Variants in A2ML1 observed in about 807,000 individuals in gnomAD.
A2ML1 encodes alpha-2-macroglobulin-like protein 1.
A neutral mutation model predicts 181.9 loss-of-function variants in A2ML1; 161 were observed. The observed-to-expected ratio is 0.89, with a 90% CI of 0.78 to 1.01. The LOEUF is 1.01. Ranked by LOEUF, A2ML1 falls within the 50% of genes least tolerant of loss-of-function variation. A2ML1 has a pLI of 0.00. For synonymous variants in A2ML1, 663 were observed against 666.8 expected (o/e 0.99, Z 0.09); for missense variants, 1,670 against 1,768.1 (o/e 0.94, Z 1.00).
chr12:8,854,351 C>T, intron 21 of A2ML1, 102 bp downstream of exon 21: 1 of 1,467,466 alleles, frequency 6.8e-7, no homozygotes, highest in Non-Finnish European at 9.1e-7. Context: ...TCCAGTCCAA[C>T]CAGGCAGCTT....
rs570850858 is a variant in A2ML1, at chr12:8,842,384, A to G, written c.1249-750A>G. Among the ~76,000 whole-genome samples the G allele has an allele frequency of 2.2e-5, 3 of 137,592 alleles. No individual in the cohort carries two copies. The South Asian group carries it at 7.4e-4, about 34-fold the overall frequency. 90.3% of individuals were successfully genotyped at this position (137,592 alleles called of 152,430 possible). A position where few individuals can be genotyped will look rare whatever the true frequency, so the allele number is the denominator to read the frequency against. Reference sequence around the variant, plus strand: ...CAGGCGCCTGCCACCACGCCCGGCTAATTTTTTGTATTTTTTAGTAGAGAT... The same window carrying G: ...CAGGCGCCTGCCACCACGCCCGGCTGATTTTTTGTATTTTTTAGTAGAGAT... On this transcript the variant is annotated intron_variant, in intron 11 of 35. Coordinates refer to ENST00000299698, the MANE Select transcript of A2ML1 (RefSeq NM_144670.6).
At chr12:8,822,824 T>A (rs1942787256) in intron 1 of A2ML1, 111 bp downstream of exon 1, 1 of 1,001,040 alleles carries the variant, frequency 1.0e-6, no homozygotes, top group Non-Finnish European at 1.5e-6. Context: ...CTTAATTTCC[T>A]CCTCCTTTTT....
rs139993325 is a variant in A2ML1, at chr12:8,843,065, G to A, written c.1249-69G>A. 266 of 1,410,556 alleles carry A rather than the reference G, an allele frequency of 1.9e-4. 2 individuals are homozygous for A. In the East Asian group the frequency reaches 2.8e-3, roughly 15 times the overall value. The allele number at this position is 1,410,556 out of a possible 1,614,324, so 87.4% of individuals were successfully genotyped here. A position where few individuals can be genotyped will look rare whatever the true frequency, so the allele number is the denominator to read the frequency against. On this transcript the variant is annotated intron_variant, in intron 11 of 35. Transcript: ENST00000299698. ...AGAGAAAGAGCTCTATTTGAAAACC[G>A]TAACAAGTCCGTGGGGTTTCCATGG...
intron 3 of A2ML1, among the ~76,000 whole-genome samples, chr12:8,824,844 GTCTT>G (rs1942876611): frequency 1.3e-5 from 2 of 152,114 alleles, no homozygotes; most frequent in African/African-American, 4.8e-5. Flanking sequence ...TGGAAAGTTT[GTCTT>G]TCTGTGTCTG....
intron 33 of A2ML1, among the ~76,000 whole-genome samples, chr12:8,870,441 G>A (rs1301350589): frequency 1.3e-5 from 2 of 152,016 alleles, no homozygotes; most frequent in Non-Finnish European, 2.9e-5. Context: ...CTAATTTTTT[G>A]TATTTTTACT....
rs1323635885 is a variant in A2ML1 at position 8,863,908 on chromosome 12, C to A, written c.3617C>A (p.Thr1206Asn). The change falls in exon 29 of 36, where the codon ACC (threonine) becomes AAC (asparagine). Residue 1206 changes from threonine to asparagine, a missense_variant. Thr to Asn is a moderately conservative substitution (Grantham distance 65). Transcript: ENST00000299698. ...LTAYALLAQL[T>N]KPSLTQKEIA... Reference sequence around the variant, plus strand: ...GCATATGCATTGTTGGCCCAGCTTACCAAGCCCAGCCTGACTCAAAAGGAG... The same window carrying A: ...GCATATGCATTGTTGGCCCAGCTTAACAAGCCCAGCCTGACTCAAAAGGAG... 6.8e-6 allele frequency: 11 copies of A among 1,614,182 alleles called. No individual in the cohort carries two copies. The highest frequency in any genetic ancestry group is 8.5e-6 in the Non-Finnish European group (10 of 1,180,038).
At chr12:8,858,279 G>A in intron 26 of A2ML1, 177 bp downstream of exon 26, 1 of 709,260 alleles carries the variant, frequency 1.4e-6, no homozygotes, top group East Asian at 2.8e-5. Flanking sequence ...TTTCATGTCT[G>A]TAGAATGAGA....
intron 3 of A2ML1, among the ~76,000 whole-genome samples, chr12:8,825,404 A>G (rs1942897597): frequency 6.6e-6 from 1 of 152,144 alleles, no homozygotes; most frequent in Admixed American, 6.5e-5. Context: ...CTTTTGAGAA[A>G]TGTCTATTCA....
At chr12:8,873,621 G>A (rs1256184230) in intron 33 of A2ML1, among the ~76,000 whole-genome samples, 1 of 151,930 alleles carries the variant, frequency 6.6e-6, no homozygotes, top group Non-Finnish European at 1.5e-5. Context: ...TTTTTTTTCA[G>A]TAGTAATAAG....
At position 8,842,443 on chromosome 12, in the gene A2ML1, TCTC is replaced by T. The variant is rs1354212008; in HGVS notation, c.1249-688_1249-686del. ...ACTGTGTTAGCCAGGATGGTCTCGA[TCTC>T]CTGACCTCGTGATCCGCCCGCCTTG... On this transcript the variant is annotated intron_variant, in intron 11 of 35. Coordinates refer to ENST00000299698, the MANE Select transcript of A2ML1 (RefSeq NM_144670.6). 2.0e-5 allele frequency among the ~76,000 whole-genome samples: 3 copies of T among 151,880 alleles called. No individual in the cohort carries two copies. In the East Asian group the frequency reaches 5.8e-4, roughly 29 times the overall value.
chr12:8,835,471 C>T lies in A2ML1; in HGVS notation c.484-36C>T, dbSNP rs373332979. 33 of 1,609,916 alleles carry T rather than the reference C, an allele frequency of 2.0e-5. 1 individual carries two copies. The highest frequency in any genetic ancestry group is 8.0e-5 in the African/African-American group (6 of 74,814). On this transcript the variant is annotated intron_variant, in intron 5 of 35. Coordinates refer to ENST00000299698, the MANE Select transcript of A2ML1 (RefSeq NM_144670.6). ...TTTGCAATGCAGAGTGGGAAGCAAA[C>T]GGGCAGGCACATCATGCAGTTTCTC...
intron 4 of A2ML1, among the ~76,000 whole-genome samples, chr12:8,833,759 A>T (rs1176143093): frequency 6.6e-6 from 1 of 152,008 alleles, no homozygotes; most frequent in African/African-American, 2.4e-5. Flanking sequence ...AATCTTAGTG[A>T]TATTCTCCTC....
chr12:8,838,991 C>A, intron 9 of A2ML1, 122 bp from the exon 10 acceptor site: 1 of 575,816 alleles, frequency 1.7e-6, no homozygotes, highest in Non-Finnish European at 2.9e-6. Flanking sequence ...TGGTTTGGAT[C>A]TTTGGCCAGA....
At chr12:8,849,597 G>A (rs1256941295) in intron 16 of A2ML1, 72 bp from the exon 17 acceptor site, 4 of 1,202,516 alleles carry the variant, frequency 3.3e-6, no homozygotes, top group Non-Finnish European at 4.9e-6. Flanking sequence ...TTTGATGGTG[G>A]AATTCCTGGG....
intron 20 of A2ML1, 124 bp from the exon 21 acceptor site, chr12:8,854,004 G>A: frequency 7.8e-7 from 1 of 1,277,088 alleles, no homozygotes; most frequent in Non-Finnish European, 1.0e-6. Context: ...CAGGTCTATG[G>A]CAGCAGAGTT....
In A2ML1 at chr12:8,846,257, T is replaced by G. The variant is rs137915051; in HGVS notation, c.1683+35T>G. 29 of 1,612,170 alleles carry G rather than the reference T, an allele frequency of 1.8e-5. No homozygotes were observed. The South Asian group carries it at 3.1e-4, about 17-fold the overall frequency. On this transcript the variant is annotated intron_variant, in intron 14 of 35. Coordinates refer to ENST00000299698, the MANE Select transcript of A2ML1 (RefSeq NM_144670.6). ...TAGCGGAGAAGGGTGAAGATAAAAG[T>G]TGGGCATAGAGAAAGATCTTGTGTG...
chr12:8,875,143 G>A (rs1270261742), intron 35 of A2ML1, 131 bp downstream of exon 35: 5 of 926,490 alleles, frequency 5.4e-6, no homozygotes, highest in Admixed American at 2.3e-5. Flanking sequence ...CTGGAGGGCA[G>A]TGGCGGAGGT....
At chr12:8,861,030 C>T (rs1183259215) in intron 27 of A2ML1, 75 bp downstream of exon 27, 1 of 1,607,612 alleles carries the variant, frequency 6.2e-7, no homozygotes, top group Non-Finnish European at 8.5e-7. Context: ...CCATCTTTGT[C>T]TCTAGTCACC....
At chr12:8,829,830 TGA>T (rs781735446) in intron 4 of A2ML1, 51 bp downstream of exon 4, 4 of 1,609,054 alleles carry the variant, frequency 2.5e-6, no homozygotes, top group Middle Eastern at 1.7e-4. Context: ...GGGAAAAGGA[TGA>T]GAGATTCTCT....
Sources: allele counts gnomAD v4.1 joint callset (sites outside exome capture counted in the v4.1 genomes callset), GRCh38; gene constraint gnomAD v4.1.1; transcripts MANE v1.5; gene names NCBI Gene and HGNC (gene_info 2026-07-23, HGNC 2026-07-21).